Variants in DNAJC3 observed in about 807,000 individuals in gnomAD.
DNAJC3 encodes the protein dnaJ homolog subfamily C member 3.
Under a neutral mutation model 68.6 loss-of-function variants are expected in DNAJC3, and 38 were observed. The observed-to-expected ratio is 0.55, with a 90% CI of 0.43 to 0.73. The LOEUF (loss-of-function observed/expected upper bound fraction) is 0.73, where lower values mean the gene tolerates loss of function less well. Among genes scored for constraint, DNAJC3 ranks in the 30% least tolerant of loss-of-function variants. DNAJC3 has a pLI of 0.00. For missense variants in DNAJC3, 526 were observed against 591.9 expected (o/e 0.89, Z 1.16); for synonymous variants, 203 against 204.0 (o/e 1.00, Z 0.04).
intron 9 of DNAJC3, among the ~76,000 whole-genome samples, chr13:95,773,151 A>ATT (rs1317481486): frequency 3.0e-5 from 2 of 66,960 alleles, no homozygotes; most frequent in Non-Finnish European, 6.3e-5. Context: ...TGACAAATTT[A>ATT]GTTTTTTTTT....
chr13:95,772,537 T>A (rs545524971), intron 9 of DNAJC3, among the ~76,000 whole-genome samples: 1 of 152,228 alleles, frequency 6.6e-6, no homozygotes, highest in Non-Finnish European at 1.5e-5. Flanking sequence ...ACATTTTGTG[T>A]TCTCATTCTT....
chr13:95,703,105 TAG>T (rs1326947018), intron 1 of DNAJC3, among the ~76,000 whole-genome samples: 3 of 152,174 alleles, frequency 2.0e-5, no homozygotes, highest in African/African-American at 7.2e-5. Flanking sequence ...CCATTTCTCT[TAG>T]GGGAAATACA....
rs1295792092 is a variant in DNAJC3 at position 95,730,184 on chromosome 13, G to GTGTA, written c.393+4932_393+4933insTGTA. ...TTTTAAAACATTTTTTGTAGAGATG[G>GTGTA]GATCTTGCTATGTTGCCCAGGCTAG... On this transcript the variant is annotated intron_variant, in intron 4 of 11. Coordinates refer to ENST00000602402, the MANE Select transcript of DNAJC3 (RefSeq NM_006260.5). 1.3e-4 allele frequency among the ~76,000 whole-genome samples: 20 copies of GTGTA among 151,940 alleles called. 1 individual carries two copies.
At chr13:95,787,640 AG>A (rs1390199314) in intron 11 of DNAJC3, among the ~76,000 whole-genome samples, 3 of 151,704 alleles carry the variant, frequency 2.0e-5, no homozygotes, top group Non-Finnish European at 4.4e-5. Context: ...CCTGAATCAT[AG>A]GATCATTAGA....
intron 1 of DNAJC3, among the ~76,000 whole-genome samples, chr13:95,692,280 A>G (rs537858523): frequency 2.6e-4 from 40 of 152,282 alleles, no homozygotes; most frequent in Non-Finnish European, 5.3e-4. Flanking sequence ...GTAAATGTCT[A>G]CTAGGTCCAT....
At position 95,786,061 on chromosome 13, in the gene DNAJC3, G is replaced by A; in HGVS notation, c.1198G>A (p.Gly400Arg). 3 of 1,598,518 alleles carry A rather than the reference G, an allele frequency of 1.9e-6. No individual in the cohort carries two copies. The highest frequency in any genetic ancestry group is 2.6e-6 in the Non-Finnish European group (3 of 1,175,008). Reference sequence around the variant, plus strand: ...GAAACGAGATTATTATAAAATCTTGGGAGTAAAAAGGTGAATTATTAATTT... The same window carrying A: ...GAAACGAGATTATTATAAAATCTTGAGAGTAAAAAGGTGAATTATTAATTT... ...SQKRDYYKIL[G>R]VKRNAKKQEI... The change falls in exon 10 of 12, where the codon GGA (glycine) becomes AGA (arginine). Residue 400 changes from glycine (G) to arginine (R), a missense_variant. By Grantham distance (125) the Gly-to-Arg change is moderately radical (BLOSUM62 -2). Coordinates refer to ENST00000602402, the MANE Select transcript of DNAJC3 (RefSeq NM_006260.5).
chr13:95,740,354 C>A (rs112318691), intron 4 of DNAJC3, among the ~76,000 whole-genome samples: 1,809 of 152,186 alleles, frequency 0.012, 29 homozygotes, highest in African/African-American at 0.039. Context: ...TGGAGCTTCC[C>A]GGCTGCTTTG....
intron 11 of DNAJC3, among the ~76,000 whole-genome samples, chr13:95,788,617 T>G (rs915527092): frequency 2.0e-5 from 3 of 152,210 alleles, no homozygotes; most frequent in African/African-American, 7.2e-5. Flanking sequence ...TGGCTATAGT[T>G]TTTTCTCATT....
Position 95,763,946 on chromosome 13 carries a change from T to C in DNAJC3, c.1068T>C (p.Tyr356=). The C allele has an allele frequency of 6.2e-7, 1 of 1,613,880 alleles. No homozygotes were observed. Among genetic ancestry groups the C allele is most frequent in the Non-Finnish European group, 8.5e-7 (1 of 1,179,858 alleles). ...AGGCCTATTTGATAGAGGAAATGTATGATGAAGGTAAATCTTTAAGGATTT... is the reference window on the plus strand; with the variant it reads ...AGGCCTATTTGATAGAGGAAATGTACGATGAAGGTAAATCTTTAAGGATTT... ...RAEAYLIEEM[Y]DEAIQDYETA... Residue 356 remains tyrosine (Y), a synonymous_variant, in exon 9 of 12, where the codon TAT becomes TAC. Transcript: ENST00000602402.
chr13:95,786,180 A>T, intron 10 of DNAJC3, 109 bp downstream of exon 10: 1 of 1,198,274 alleles, frequency 8.3e-7, no homozygotes, highest in Non-Finnish European at 1.1e-6. Flanking sequence ...ATGTAATTTC[A>T]GTCATATGGA....
intron 2 of DNAJC3, among the ~76,000 whole-genome samples, chr13:95,715,516 T>C (rs1277510566): frequency 1.3e-5 from 2 of 149,862 alleles, no homozygotes; most frequent in Non-Finnish European, 3.0e-5. Flanking sequence ...GGAGTCTCGC[T>C]CTGTCACCAG....
chr13:95,698,907 T>G (rs1343728084), intron 1 of DNAJC3, among the ~76,000 whole-genome samples: 1 of 152,186 alleles, frequency 6.6e-6, no homozygotes, highest in African/African-American at 2.4e-5. Flanking sequence ...CTGAAAGGTG[T>G]TGTTTGCTTT....
chr13:95,717,514 G>A (rs1480473131), intron 2 of DNAJC3, among the ~76,000 whole-genome samples: 1 of 152,188 alleles, frequency 6.6e-6, no homozygotes, highest in Non-Finnish European at 1.5e-5. Context: ...AGTTGGGTGA[G>A]CTGAGAGAAT....
At chr13:95,759,709 A>G (rs1263695868) in intron 5 of DNAJC3, among the ~76,000 whole-genome samples, 1 of 152,230 alleles carries the variant, frequency 6.6e-6, no homozygotes, top group African/African-American at 2.4e-5. Flanking sequence ...TTCACTAGGA[A>G]CAACCCTCCA....
At position 95,691,965 on chromosome 13, in the gene DNAJC3, G is replaced by A. The variant is rs574503678; in HGVS notation, c.82+14628G>A. 1.3e-3 allele frequency among the ~76,000 whole-genome samples: 194 copies of A among 152,318 alleles called. 1 individual carries two copies. The highest frequency in any genetic ancestry group is 4.3e-3 in the African/African-American group (180 of 41,578). On this transcript the variant is annotated intron_variant, in intron 1 of 11. Transcript: ENST00000602402. ...AGGCACTGGGCAGGTTGAGGCAGGA[G>A]AATCAGGCAGGGAGGTTGCAGTGAG... is the stretch of plus-strand genomic sequence containing the variant.
At chr13:95,740,917 A>G (rs901408934) in intron 4 of DNAJC3, among the ~76,000 whole-genome samples, 1 of 152,212 alleles carries the variant, frequency 6.6e-6, no homozygotes, top group African/African-American at 2.4e-5. Context: ...TTTAAAAATG[A>G]TATGTATCTC....
Position 95,709,347 on chromosome 13 carries a change from A to T in DNAJC3, c.193+10A>T. On this transcript the variant is annotated intron_variant, in intron 2 of 11. Coordinates refer to ENST00000602402, the MANE Select transcript of DNAJC3 (RefSeq NM_006260.5). ...TTTCATGCTGCCGTAGGTTTGTATC[A>T]TGGAACCAAATCACTCAGTGTCTGT... 6.4e-7 allele frequency: 1 copy of T among 1,574,036 alleles called. No homozygotes were observed. The highest frequency in any genetic ancestry group is 8.6e-7 in the Non-Finnish European group (1 of 1,161,430).
At chr13:95,707,611 C>T (rs1593966292) in intron 1 of DNAJC3, among the ~76,000 whole-genome samples, 2 of 152,134 alleles carry the variant, frequency 1.3e-5, no homozygotes, top group East Asian at 3.9e-4. Flanking sequence ...TAGGACTGCT[C>T]CCAATACCAA....
rs1002199198 is a variant in DNAJC3 at position 95,793,482 on chromosome 13, CTTT to C, written c.*2475_*2477del. On this transcript the variant is annotated 3_prime_UTR_variant, in exon 12 of 12. Coordinates refer to ENST00000602402, the MANE Select transcript of DNAJC3 (RefSeq NM_006260.5). The stretch of plus-strand genomic sequence containing the variant: ...TTGGGGACTACAGGTGCCAGGTAAC[CTTT>C]TTTTTTTTTTTTTTTTTTTTTTGAG... The C allele has an allele frequency of 5.2e-5, 5 of 96,236 alleles. No homozygotes were observed. Among genetic ancestry groups the C allele is most frequent in the South Asian group, 3.7e-4 (1 of 2,738 alleles). The allele number at this position is 96,236 out of a possible 1,614,324, so 6.0% of individuals were successfully genotyped here. A position where few individuals can be genotyped will look rare whatever the true frequency, so the allele number is the denominator to read the frequency against.
Sources: gnomAD v4.1 joint callset for allele counts (sites outside exome capture counted in the v4.1 genomes callset) on GRCh38, gnomAD v4.1.1 for gene constraint, MANE v1.5 for transcripts, NCBI Gene and HGNC (gene_info 2026-07-23, HGNC 2026-07-21) for gene names.